Variants in MAGI1 observed in about 807,000 individuals in gnomAD.
MAGI1 encodes membrane associated guanylate kinase, WW and PDZ domain containing 1, also known as membrane-associated guanylate kinase, WW and PDZ domain-containing protein 1.
MAGI1 carries 58 observed loss-of-function variants against 139.9 expected under a neutral mutation model. The observed-to-expected ratio is 0.41, with a 90% CI of 0.34 to 0.52. The LOEUF is 0.52. Ranked by LOEUF, MAGI1 falls within the 20% of genes least tolerant of loss-of-function variation. The pLI is 0.12. For synonymous variants in MAGI1, 812 were observed against 737.9 expected (o/e 1.10, Z -1.63); for missense variants, 1,874 against 1,901.6 (o/e 0.99, Z 0.27).
intron 1 of MAGI1, among the ~76,000 whole-genome samples, chr3:65,784,679 T>TG (rs2039235108): frequency 6.6e-6 from 1 of 151,010 alleles, no homozygotes; most frequent in African/African-American, 2.5e-5. Context: ...CACTCCAGCC[T>TG]GGGCGACAGA....
intron 2 of MAGI1, among the ~76,000 whole-genome samples, chr3:65,551,519 C>T (rs973248766): frequency 1.3e-5 from 2 of 152,152 alleles, no homozygotes; most frequent in Non-Finnish European, 2.9e-5. Flanking sequence ...CCAGGATGGT[C>T]TCGATTTCCT....
At chr3:65,860,020 C>T (rs1231089502) in intron 1 of MAGI1, among the ~76,000 whole-genome samples, 2 of 151,780 alleles carry the variant, frequency 1.3e-5, no homozygotes, top group South Asian at 2.1e-4. Flanking sequence ...CTCAGCCTCC[C>T]GAGTAGCTGG....
intron 17 of MAGI1, among the ~76,000 whole-genome samples, chr3:65,377,867 G>A (rs957146451): frequency 5.3e-5 from 8 of 152,262 alleles, no homozygotes; most frequent in South Asian, 2.1e-4. Flanking sequence ...TAAAACTTAC[G>A]GGGAGACAGC....
intron 1 of MAGI1, among the ~76,000 whole-genome samples, chr3:65,826,066 T>C (rs1330099854): frequency 6.6e-6 from 1 of 152,120 alleles, no homozygotes; most frequent in Non-Finnish European, 1.5e-5. Context: ...CTTTAGTAGT[T>C]GTATATATGT....
intron 16 of MAGI1, chr3:65,380,671 G>A (rs1942971016): frequency 6.6e-6 from 1 of 151,996 alleles, no homozygotes; most frequent in Admixed American, 6.6e-5. Context: ...TTTACACAGA[G>A]CTAAAAATCC....
chr3:65,603,429 A>G (rs1005647076), intron 2 of MAGI1, among the ~76,000 whole-genome samples: 3 of 152,188 alleles, frequency 2.0e-5, no homozygotes, highest in Admixed American at 1.3e-4. Context: ...TTTATATGAC[A>G]ATCTACATAA....
chr3:65,461,003 A>C (rs1192212007), intron 5 of MAGI1, among the ~76,000 whole-genome samples: 1 of 152,160 alleles, frequency 6.6e-6, no homozygotes, highest in Non-Finnish European at 1.5e-5. Flanking sequence ...GGGCTGCAAT[A>C]AACATACGTG....
At chr3:65,771,967 C>G (rs2107945727) in intron 1 of MAGI1, among the ~76,000 whole-genome samples, 1 of 152,260 alleles carries the variant, frequency 6.6e-6, no homozygotes, top group East Asian at 1.9e-4. Context: ...CTTTGGGAGG[C>G]CGAGGCGGGT....
chr3:65,539,150 G>GTCAAACAGGCACACATATCAAGTACCA (rs1559650589), intron 2 of MAGI1, among the ~76,000 whole-genome samples: 1 of 151,112 alleles, frequency 6.6e-6, no homozygotes, highest in Non-Finnish European at 1.5e-5. Flanking sequence ...ACCAACTACC[G>GTCAAACAGGCACACATATCAAGTACCA]TCAAACAGGC....
chr3:65,479,496 C>T (rs890104475), intron 3 of MAGI1, among the ~76,000 whole-genome samples: 1 of 152,100 alleles, frequency 6.6e-6, no homozygotes, highest in African/African-American at 2.4e-5. Flanking sequence ...GTGACTCTCA[C>T]TTGTACATAA....
chr3:65,596,210 C>T (rs1234145391), intron 2 of MAGI1, among the ~76,000 whole-genome samples: 1 of 152,106 alleles, frequency 6.6e-6, no homozygotes, highest in African/African-American at 2.4e-5. Flanking sequence ...TTTATTTTCC[C>T]AGAACCCCAA....
intron 1 of MAGI1, among the ~76,000 whole-genome samples, chr3:66,007,154 T>A (rs2067065512): frequency 6.6e-6 from 1 of 152,060 alleles, no homozygotes; most frequent in Admixed American, 6.6e-5. Flanking sequence ...AGATCACATA[T>A]GTCACGTAAA....
chr3:65,765,240 A>G lies in MAGI1; in HGVS notation c.314-143152T>C, dbSNP rs139732458. Among the ~76,000 whole-genome samples the G allele has an allele frequency of 3.1e-3, 473 of 152,276 alleles. 3 individuals are homozygous for G. Among genetic ancestry groups the G allele is most frequent in the Middle Eastern group, 0.017 (5 of 294 alleles). On this transcript the variant is annotated intron_variant, in intron 1 of 22. Coordinates refer to ENST00000402939, the MANE Select transcript of MAGI1 (RefSeq NM_001033057.2). The stretch of plus-strand genomic sequence containing the variant: ...ACATTTGGCAAAGACAATGAATCCT[A>G]CTTATAGGTCTGGTTTTGGGAATGA...
intron 1 of MAGI1, among the ~76,000 whole-genome samples, chr3:65,952,395 A>G (rs1427824561): frequency 6.6e-6 from 1 of 152,214 alleles, no homozygotes; most frequent in Admixed American, 6.5e-5. Flanking sequence ...TTTGCTCTGC[A>G]AAGGGAACAG....
At chr3:65,736,342 T>C (rs1321510587) in intron 1 of MAGI1, among the ~76,000 whole-genome samples, 1 of 152,166 alleles carries the variant, frequency 6.6e-6, no homozygotes, top group Non-Finnish European at 1.5e-5. Context: ...ATGCTATTTG[T>C]ATTAGTCAGG....
At chr3:65,810,718 G>T (rs913609391) in intron 1 of MAGI1, among the ~76,000 whole-genome samples, 2 of 152,158 alleles carry the variant, frequency 1.3e-5, no homozygotes, top group Non-Finnish European at 2.9e-5. Flanking sequence ...GGGAAAGCCC[G>T]CACTCCACAA....
chr3:65,991,109 T>A (rs11131046), intron 1 of MAGI1, among the ~76,000 whole-genome samples: 17,880 of 151,862 alleles, frequency 0.12, 1,517 homozygotes, highest in African/African-American at 0.24. Context: ...GCCAACAGCG[T>A]GAAACTCCAT....
In MAGI1 at chr3:65,923,940, T is replaced by C. The variant is rs150913247; in HGVS notation, c.313+114056A>G. 1.5e-4 allele frequency among the ~76,000 whole-genome samples: 23 copies of C among 152,364 alleles called. No individual in the cohort carries two copies. The East Asian group carries it at 3.5e-3, about 23-fold the overall frequency. ...GCAGCATCAATGCACCTGAATTTTA[T>C]ATTAAGAGTAATATTAACAGAAAAT... On this transcript the variant is annotated intron_variant, in intron 1 of 22. Coordinates refer to ENST00000402939, the MANE Select transcript of MAGI1 (RefSeq NM_001033057.2).
At chr3:65,387,362 C>T (rs1252506405) in intron 14 of MAGI1, 1 of 574,176 alleles carries the variant, frequency 1.7e-6, no homozygotes, top group African/African-American at 1.9e-5. Context: ...TGTTAAAAGA[C>T]TATAGTTTGA....
Sources: allele counts gnomAD v4.1 joint callset (sites outside exome capture counted in the v4.1 genomes callset), GRCh38; gene constraint gnomAD v4.1.1; transcripts MANE v1.5; gene names NCBI Gene and HGNC (gene_info 2026-07-23, HGNC 2026-07-21).